Variants in KPNA3 observed in about 807,000 individuals in gnomAD.
KPNA3 encodes karyopherin subunit alpha 3.
Under a neutral mutation model 73.8 loss-of-function variants are expected in KPNA3, and 13 were observed. That is an observed-to-expected ratio of 0.18 (90% CI 0.11 to 0.28). KPNA3 has a LOEUF of 0.28. KPNA3 is among the 10% of genes least tolerant of loss of function. KPNA3 has a pLI of 1.00. For missense variants in KPNA3, 360 were observed against 618.1 expected, an observed-to-expected ratio of 0.58 and a Z score of 4.43; for synonymous variants, 186 against 206.9, an observed-to-expected ratio of 0.90 and a Z score of 0.87.
At chr13:49,771,733 G>C (rs1233812441) in intron 1 of KPNA3, among the ~76,000 whole-genome samples, 3 of 152,220 alleles carry the variant, frequency 2.0e-5, no homozygotes, top group Middle Eastern at 3.4e-3. Context: ...AGTTCACTGT[G>C]GTCTTGACTT....
intron 1 of KPNA3, among the ~76,000 whole-genome samples, chr13:49,778,352 G>A (rs888425847): frequency 6.6e-5 from 10 of 152,206 alleles, no homozygotes; most frequent in Admixed American, 1.3e-4. Context: ...GGCAAATGCC[G>A]AGCTGTAACC....
At position 49,732,405 on chromosome 13, in the gene KPNA3, G is replaced by A. The variant is rs1388366106; in HGVS notation, c.349C>T (p.Pro117Ser). The change falls in exon 6 of 17, where the codon CCA becomes TCA. Residue 117 changes from proline to serine, a missense_variant. Coordinates refer to ENST00000261667, the MANE Select transcript of KPNA3 (RefSeq NM_002267.4). ...CTTTCTAGACATTTGACTAGAATTG[G>A]TAAAATCCCAGATTTTATTAAGTCA... ...IDDLIKSGIL[P>S]ILVKCLERDD... The A allele has an allele frequency of 6.3e-7, 1 of 1,594,282 alleles. No homozygotes were observed. The highest frequency in any genetic ancestry group is 1.3e-5 in the African/African-American group (1 of 74,532).
chr13:49,719,956 A>G (rs1566337404), intron 9 of KPNA3, 137 bp from the exon 10 acceptor site: 1 of 582,852 alleles, frequency 1.7e-6, no homozygotes, highest in Non-Finnish European at 2.9e-6. Flanking sequence ...AATATCTTTT[A>G]GGAAAATGAA....
At chr13:49,724,515 G>A (rs932493524) in intron 7 of KPNA3, among the ~76,000 whole-genome samples, 1 of 152,096 alleles carries the variant, frequency 6.6e-6, no homozygotes, top group African/African-American at 2.4e-5. Context: ...CACCATGTTA[G>A]CAAGGATGGT....
At chr13:49,756,030 GGCCGAGGCAGGTGGATTGCTTGA>G (rs1388738053) in intron 1 of KPNA3, among the ~76,000 whole-genome samples, 2 of 152,242 alleles carry the variant, frequency 1.3e-5, no homozygotes, top group African/African-American at 2.4e-5. Flanking sequence ...CACTTCGGGA[GGCCGAGGCAGGTGGATTGCTTGA>G]GCCAAGGAAT....
At chr13:49,720,798 A>T (rs940074620) in intron 9 of KPNA3, among the ~76,000 whole-genome samples, 70 of 151,456 alleles carry the variant, frequency 4.6e-4, no homozygotes, top group Admixed American at 3.1e-3. Flanking sequence ...ATTTTTTTTT[A>T]AAATGCAAAG....
Position 49,792,539 on chromosome 13 carries a change from G to T in KPNA3, c.-33C>A. On this transcript the variant is annotated 5_prime_UTR_variant, in exon 1 of 17. Coordinates refer to ENST00000261667, the MANE Select transcript of KPNA3 (RefSeq NM_002267.4). ...CGCGGCTCCGGCGGCGGCTACTCCT[G>T]CGGCTGCGGCGGCGGCGGCGGCGAA... 6.6e-7 allele frequency: 1 copy of T among 1,516,022 alleles called. No individual in the cohort carries two copies. 93.9% of individuals were successfully genotyped at this position (1,516,022 alleles called of 1,614,324 possible). A position where few individuals can be genotyped will look rare whatever the true frequency, so the allele number is the denominator to read the frequency against.
intron 15 of KPNA3, 112 bp downstream of exon 15, chr13:49,705,509 C>A (rs1435168293): frequency 9.3e-7 from 1 of 1,071,984 alleles, no homozygotes; most frequent in South Asian, 1.5e-5. Context: ...ATACTGTGAT[C>A]ATTTAAAAAC....
At position 49,792,501 on chromosome 13, in the gene KPNA3, G is replaced by C. The variant is rs1209696440; in HGVS notation, c.6C>G (p.Ala2=). M[A]ENPSLENHRI... Reference sequence around the variant, plus strand: ...GGTGGTTCTCCAAGCTGGGGTTCTCGGCCATGGCTGCGCGCGGCTCCGGCG... The same window carrying C: ...GGTGGTTCTCCAAGCTGGGGTTCTCCGCCATGGCTGCGCGCGGCTCCGGCG... The change falls in exon 1 of 17, where the codon GCC becomes GCG. Residue 2 remains alanine, a synonymous_variant. Coordinates refer to ENST00000261667, the MANE Select transcript of KPNA3 (RefSeq NM_002267.4). The C allele has an allele frequency of 1.3e-6, 2 of 1,572,138 alleles. No homozygotes were observed. The highest frequency in any genetic ancestry group is 1.7e-6 in the Non-Finnish European group (2 of 1,158,546).
At chr13:49,741,451 T>C (rs944110916) in intron 2 of KPNA3, among the ~76,000 whole-genome samples, 1 of 151,488 alleles carries the variant, frequency 6.6e-6, no homozygotes, top group African/African-American at 2.4e-5. Flanking sequence ...TTCTGCTCTT[T>C]TGCCCTTTTT....
intron 6 of KPNA3, among the ~76,000 whole-genome samples, chr13:49,727,707 A>G (rs1019705617): frequency 1.7e-4 from 26 of 152,124 alleles, no homozygotes; most frequent in Non-Finnish European, 3.7e-4. Context: ...CTTTCTATAC[A>G]CGTCTGAACA....
chr13:49,706,269 T>G lies in KPNA3; in HGVS notation c.1136A>C (p.Lys379Thr). 1 of 1,613,536 alleles carries G rather than the reference T, an allele frequency of 6.2e-7. No individual in the cohort carries two copies. Residue 379 changes from lysine to threonine, a missense_variant and splice_region_variant, in exon 13 of 17, where the codon AAG becomes ACG. Around this residue, in one of 3 missense-constraint regions of KPNA3, gnomAD observed 287 missense variants for 549.1 expected, o/e 0.52. Transcript: ENST00000261667. ...CGGTGAACTCATAATATGACCAACC[T>G]TAGCAAGCTGATGAATTATCATAGG... is the stretch of plus-strand genomic sequence containing the variant. ...LIPMIIHQLA[K>T]GDFGTQKEAA... is the part of the protein sequence containing the mutation.
chr13:49,752,991 C>T (rs1351782597), intron 1 of KPNA3, among the ~76,000 whole-genome samples: 1 of 124,920 alleles, frequency 8.0e-6, no homozygotes, highest in South Asian at 2.8e-4. Context: ...TGCGCCATTG[C>T]ACTCCAGCCT....
intron 1 of KPNA3, among the ~76,000 whole-genome samples, chr13:49,783,735 T>C (rs924785681): frequency 6.6e-6 from 1 of 152,208 alleles, no homozygotes; most frequent in Non-Finnish European, 1.5e-5. Context: ...TGAAATGTCA[T>C]CAATTTCATG....
chr13:49,736,631 G>A (rs1954523467), intron 2 of KPNA3, among the ~76,000 whole-genome samples: 1 of 152,140 alleles, frequency 6.6e-6, no homozygotes. Context: ...TATCACAACT[G>A]GGATACTGAC....
chr13:49,773,693 T>C (rs1015236081), intron 1 of KPNA3, among the ~76,000 whole-genome samples: 6 of 152,194 alleles, frequency 3.9e-5, no homozygotes, highest in African/African-American at 1.4e-4. Flanking sequence ...TGGTGAGCAG[T>C]TCATGTAAAA....
intron 15 of KPNA3, 22 bp downstream of exon 15, chr13:49,705,599 T>G: frequency 6.2e-7 from 1 of 1,608,266 alleles, no homozygotes; most frequent in Non-Finnish European, 8.5e-7. Context: ...CAAATACTCT[T>G]CTTCCATCAA....
intron 7 of KPNA3, among the ~76,000 whole-genome samples, chr13:49,724,310 T>C (rs1392216408): frequency 6.6e-6 from 1 of 152,036 alleles, no homozygotes; most frequent in Non-Finnish European, 1.5e-5. Flanking sequence ...TGATAACTTT[T>C]TTTTTTTTTT....
intron 7 of KPNA3, among the ~76,000 whole-genome samples, chr13:49,725,187 CATG>C (rs1451087123): frequency 1.3e-5 from 2 of 152,146 alleles, no homozygotes; most frequent in Non-Finnish European, 2.9e-5. Context: ...GTTATCACAG[CATG>C]ATGTCTACTC....
Sources: allele counts gnomAD v4.1 joint callset (sites outside exome capture counted in the v4.1 genomes callset), GRCh38; gene constraint gnomAD v4.1.1; regional missense constraint gnomAD v4.1.1; transcripts MANE v1.5; gene names NCBI Gene and HGNC (gene_info 2026-07-23, HGNC 2026-07-21).